Variants in TMEFF2 observed in about 807,000 individuals in gnomAD.
TMEFF2 encodes the protein transmembrane protein with EGF like and two follistatin like domains 2.
TMEFF2 carries 28 observed loss-of-function variants against 53.8 expected under a neutral mutation model. The ratio of observed to expected loss-of-function variants is 0.52; its 90% CI spans 0.39 to 0.71. The LOEUF (loss-of-function observed/expected upper bound fraction) is 0.71. Ranked by LOEUF, TMEFF2 falls within the 30% of genes least tolerant of loss-of-function variation. The pLI, the probability that TMEFF2 is intolerant of heterozygous loss-of-function variation, is 0.00. For synonymous variants in TMEFF2, 162 were observed against 166.3 expected, an observed-to-expected ratio of 0.97 and a Z score of 0.20; for missense variants, 353 against 455.2, an observed-to-expected ratio of 0.78 and a Z score of 2.04.
chr2:192,005,077 ATG>A (rs1344968988), intron 5 of TMEFF2, among the ~76,000 whole-genome samples: 1 of 152,238 alleles, frequency 6.6e-6, no homozygotes, highest in Non-Finnish European at 1.5e-5. Context: ...AGGGGTCTGT[ATG>A]TGGTAATACT....
intron 7 of TMEFF2, 100 bp downstream of exon 7, chr2:191,998,162 G>A (rs141963596): frequency 5.5e-6 from 5 of 916,630 alleles, no homozygotes; most frequent in Non-Finnish European, 8.3e-6. Context: ...CATGTTAGAA[G>A]TCTTGCAAGC....
chr2:192,012,777 T>A (rs1204004531), intron 5 of TMEFF2, among the ~76,000 whole-genome samples: 2 of 152,094 alleles, frequency 1.3e-5, no homozygotes, highest in Admixed American at 6.5e-5. Context: ...GATTACAGAG[T>A]CACTTGGATC....
chr2:192,184,607 G>A, intron 2 of TMEFF2, 124 bp from the exon 3 acceptor site: 1 of 1,223,558 alleles, frequency 8.2e-7, no homozygotes, highest in Non-Finnish European at 1.1e-6. Flanking sequence ...TTCTAATTGT[G>A]TCCAATAAGT....
chr2:192,173,502 CACAA>C (rs1168796083), intron 4 of TMEFF2, among the ~76,000 whole-genome samples: 1 of 151,842 alleles, frequency 6.6e-6, no homozygotes, highest in African/African-American at 2.4e-5. Context: ...TTAGTGCCCT[CACAA>C]ACATTCTTTC....
intron 4 of TMEFF2, among the ~76,000 whole-genome samples, chr2:192,125,622 A>C (rs548411339): frequency 2.8e-4 from 43 of 152,354 alleles, no homozygotes; most frequent in Non-Finnish European, 5.3e-4. Context: ...GAATCAATCC[A>C]AATGCCCATC....
At position 191,950,238 on chromosome 2, in the gene TMEFF2, ATTCTT is replaced by A. The variant is rs1691830331; in HGVS notation, c.*68_*72del. 2 of 1,399,304 alleles carry A rather than the reference ATTCTT, an allele frequency of 1.4e-6. No individual in the cohort carries two copies. Among genetic ancestry groups the A allele is most frequent in the Middle Eastern group, 1.9e-4 (1 of 5,316 alleles). 86.7% of individuals were successfully genotyped at this position (1,399,304 alleles called of 1,614,324 possible). ...GCAACATGTGTAGATCTCTTGTCTT[ATTCTT>A]TTGTCTATAATACTGTATTGTGTAG... On this transcript the variant is annotated 3_prime_UTR_variant, in exon 10 of 10. Transcript: ENST00000272771.
At chr2:192,185,462 T>C (rs949918758) in intron 2 of TMEFF2, among the ~76,000 whole-genome samples, 1 of 152,090 alleles carries the variant, frequency 6.6e-6, no homozygotes, top group African/African-American at 2.4e-5. Flanking sequence ...AGGAAAATCA[T>C]ACTTACAGAT....
At chr2:192,172,461 G>A (rs143358509) in intron 4 of TMEFF2, among the ~76,000 whole-genome samples, 2 of 151,986 alleles carry the variant, frequency 1.3e-5, no homozygotes, top group East Asian at 3.9e-4. Flanking sequence ...GGTGAGCCAG[G>A]ATCATATCCA....
chr2:192,171,563 A>C (rs1690913829), intron 4 of TMEFF2, among the ~76,000 whole-genome samples: 1 of 151,886 alleles, frequency 6.6e-6, no homozygotes, highest in African/African-American at 2.4e-5. Context: ...CTCTTTTTCC[A>C]CATCTTCAAC....
At position 192,084,266 on chromosome 2, in the gene TMEFF2, G is replaced by A. The variant is rs577201727; in HGVS notation, c.440-26491C>T. Among the ~76,000 whole-genome samples the A allele has an allele frequency of 2.5e-4, 38 of 152,150 alleles. No homozygotes were observed. The South Asian group carries it at 5.6e-3, about 22-fold the overall frequency. On this transcript the variant is annotated intron_variant, in intron 4 of 9. Coordinates refer to ENST00000272771, the MANE Select transcript of TMEFF2 (RefSeq NM_016192.4). ...ACATGCATTTCTCATCAAAACACCC[G>A]CAATATTTACTGTGTGTGCCACTTA...
rs187139611 is a variant in TMEFF2 at position 192,192,004 on chromosome 2, G to C, written c.173-15C>G. ...GTCATCATAACCTCAAATTCAAAGA[G>C]AACACTCCAGTCATTAAAACATCTT... On this transcript the variant is annotated splice_polypyrimidine_tract_variant and intron_variant, in intron 1 of 9. Transcript: ENST00000272771. 3.3e-6 allele frequency: 5 copies of C among 1,532,310 alleles called. No individual in the cohort carries two copies. The South Asian group carries it at 5.6e-5, about 17-fold the overall frequency. The allele number at this position is 1,532,310 out of a possible 1,614,324, so 94.9% of individuals were successfully genotyped here. A position where few individuals can be genotyped will look rare whatever the true frequency, so the allele number is the denominator to read the frequency against.
chr2:192,024,818 A>G (rs1441755735), intron 5 of TMEFF2, among the ~76,000 whole-genome samples: 1 of 152,252 alleles, frequency 6.6e-6, no homozygotes, highest in East Asian at 1.9e-4. Context: ...ATGCTGTAGC[A>G]TGAAAGTCAA....
intron 4 of TMEFF2, among the ~76,000 whole-genome samples, chr2:192,069,723 A>G (rs1688242737): frequency 1.3e-5 from 2 of 151,766 alleles, no homozygotes; most frequent in South Asian, 2.1e-4. Flanking sequence ...TTTTACTGCC[A>G]TTAGATCACC....
At chr2:192,192,121 C>T (rs1691476582) in intron 1 of TMEFF2, 132 bp from the exon 2 acceptor site, 3 of 605,498 alleles carry the variant, frequency 5.0e-6, no homozygotes, top group Non-Finnish European at 8.7e-6. Flanking sequence ...ACTGCAAGGT[C>T]ACTGTCTACT....
intron 4 of TMEFF2, among the ~76,000 whole-genome samples, chr2:192,075,285 T>G (rs1310816450): frequency 1.5e-5 from 1 of 65,772 alleles, no homozygotes; most frequent in South Asian, 7.2e-4. Context: ...TACAGTACTA[T>G]TATATATATA....
At chr2:192,124,014 G>A (rs1489104310) in intron 4 of TMEFF2, among the ~76,000 whole-genome samples, 1 of 152,232 alleles carries the variant, frequency 6.6e-6, no homozygotes, top group Non-Finnish European at 1.5e-5. Flanking sequence ...TGACAGGAGT[G>A]CAAAACTACT....
At chr2:192,060,877 GT>G (rs1289458718) in intron 4 of TMEFF2, among the ~76,000 whole-genome samples, 1 of 152,124 alleles carries the variant, frequency 6.6e-6, no homozygotes, top group Non-Finnish European at 1.5e-5. Flanking sequence ...AGAAACTTAG[GT>G]TTTGGCAAGC....
chr2:192,079,686 C>T (rs1295125277), intron 4 of TMEFF2, among the ~76,000 whole-genome samples: 1 of 152,184 alleles, frequency 6.6e-6, no homozygotes, highest in Non-Finnish European at 1.5e-5. Flanking sequence ...ATTCCTCAGT[C>T]ATTTCTTTAT....
In TMEFF2 at chr2:191,950,240, T is replaced by G; in HGVS notation, c.*71A>C. 3 of 1,388,812 alleles carry G rather than the reference T, an allele frequency of 2.2e-6. No homozygotes were observed. Among genetic ancestry groups the G allele is most frequent in the Non-Finnish European group, 2.8e-6 (3 of 1,063,160 alleles). The allele number at this position is 1,388,812 out of a possible 1,614,324, so 86.0% of individuals were successfully genotyped here. On this transcript the variant is annotated 3_prime_UTR_variant, in exon 10 of 10. Transcript: ENST00000272771. ...AACATGTGTAGATCTCTTGTCTTAT[T>G]CTTTTGTCTATAATACTGTATTGTG...
Sources: gnomAD v4.1 joint callset for allele counts (sites outside exome capture counted in the v4.1 genomes callset) on GRCh38, gnomAD v4.1.1 for gene constraint, MANE v1.5 for transcripts, NCBI Gene and HGNC (gene_info 2026-07-23, HGNC 2026-07-21) for gene names.